SLC25A48: variants seen among roughly 807,000 people sequenced by gnomAD.
SLC25A48 encodes CTC-321K16.1.
SLC25A48 carries 29 observed loss-of-function variants against 32.2 expected under a neutral mutation model. The observed-to-expected ratio is 0.90, with a 90% confidence interval of 0.67 to 1.23. SLC25A48 has a LOEUF of 1.23. SLC25A48 is among the 50% of genes most tolerant of loss of function. SLC25A48 has a pLI of 0.00. For missense variants in SLC25A48, 399 were observed against 422.7 expected (o/e 0.94, Z 0.49); for synonymous variants, 164 against 172.3 (o/e 0.95, Z 0.38).
chr5:135,700,901 G>A (rs1400585497), intron 3 of SLC25A48, among the ~76,000 whole-genome samples: 1 of 152,222 alleles, frequency 6.6e-6, no homozygotes, highest in East Asian at 1.9e-4. Context: ...CAGATTTGGT[G>A]CAGGTTGAGG....
At chr5:135,844,177 T>A (rs1759231776) in intron 2 of SLC25A48, among the ~76,000 whole-genome samples, 1 of 152,102 alleles carries the variant, frequency 6.6e-6, no homozygotes, top group African/African-American at 2.4e-5. Flanking sequence ...CCTCTGACTC[T>A]CTCCTGTTCA....
chr5:135,610,833 A>C (rs1021589283), intron 1 of SLC25A48, among the ~76,000 whole-genome samples: 2 of 152,264 alleles, frequency 1.3e-5, no homozygotes, highest in Admixed American at 1.3e-4. Flanking sequence ...AATCTTACTC[A>C]TATAGAAAAT....
rs1051771079 is a variant in SLC25A48, at chr5:135,661,783, CT to C, written c.-521+26831del. 7.9e-5 allele frequency among the ~76,000 whole-genome samples: 12 copies of C among 152,268 alleles called. No homozygotes were observed. The South Asian group carries it at 1.7e-3, about 21-fold the overall frequency. ...TTCTCACTTCAGAATAAATCCTGGA[CT>C]TTTAAATTTTTTGACCGTATTAACC... On this transcript the variant is annotated intron_variant, in intron 3 of 10. Transcript: ENST00000646290.
intron 3 of SLC25A48, among the ~76,000 whole-genome samples, chr5:135,701,516 G>C (rs184341657): frequency 6.6e-6 from 1 of 151,830 alleles, no homozygotes; most frequent in Admixed American, 6.6e-5. Context: ...ACACTGAATT[G>C]CATATTGCAA....
chr5:135,685,361 C>G (rs1753998298), intron 3 of SLC25A48, among the ~76,000 whole-genome samples: 1 of 148,390 alleles, frequency 6.7e-6, no homozygotes, highest in Non-Finnish European at 1.5e-5. Flanking sequence ...AAATTCGACT[C>G]TTGTAATAGA....
upstream of SLC25A48, among the ~76,000 whole-genome samples, chr5:135,830,720 A>G (rs942729822): frequency 1.3e-5 from 2 of 152,234 alleles, no homozygotes; most frequent in Admixed American, 6.5e-5. Flanking sequence ...AGGCCAGTGC[A>G]GGAATGATGC....
In SLC25A48 at chr5:135,871,587, C is replaced by A; in HGVS notation, c.548C>A (p.Ala183Asp). Residue 183 changes from alanine (A) to aspartate (D), a missense_variant, in exon 5 of 8, where the codon GCC becomes GAC. By Grantham distance (126) the Ala-to-Asp change is moderately radical. Transcript: ENST00000681962. ...GCGGGGCTATACCGGGGGGCCAGTGCCATGCTGCTGAGGGATGTCCCAGGC... is the reference window on the plus strand; with the variant it reads ...GCGGGGCTATACCGGGGGGCCAGTGACATGCTGCTGAGGGATGTCCCAGGC... ...GLAGLYRGAS[A>D]MLLRDVPGYC... 1.2e-6 allele frequency: 2 copies of A among 1,614,184 alleles called. No individual in the cohort carries two copies. Among genetic ancestry groups the A allele is most frequent in the Non-Finnish European group, 1.7e-6 (2 of 1,180,014 alleles).
At chr5:135,631,119 A>T (rs914443968) in intron 2 of SLC25A48, among the ~76,000 whole-genome samples, 1 of 152,120 alleles carries the variant, frequency 6.6e-6, no homozygotes, top group African/African-American at 2.4e-5. Flanking sequence ...TTTCCTTTGG[A>T]GAAATAGACA....
At chr5:135,772,061 A>G (rs1464051644) in intron 3 of SLC25A48, among the ~76,000 whole-genome samples, 2 of 151,468 alleles carry the variant, frequency 1.3e-5, no homozygotes, top group Non-Finnish European at 3.0e-5. Flanking sequence ...ATTACTCCCA[A>G]TATCACAGAA....
At chr5:135,599,222 C>T (rs1000115875) in intron 1 of SLC25A48, among the ~76,000 whole-genome samples, 3 of 152,140 alleles carry the variant, frequency 2.0e-5, no homozygotes, top group South Asian at 4.1e-4. Flanking sequence ...GACAGTGTGG[C>T]TGCCTTCTCC....
intron 3 of SLC25A48, among the ~76,000 whole-genome samples, chr5:135,647,588 C>G (rs867412921): frequency 2.0e-4 from 30 of 152,178 alleles, no homozygotes; most frequent in African/African-American, 6.8e-4. Context: ...CCACCCTCAG[C>G]CCCCAGCCTC....
chr5:135,721,505 C>T, intron 3 of SLC25A48, among the ~76,000 whole-genome samples: 1 of 152,022 alleles, frequency 6.6e-6, no homozygotes, highest in East Asian at 1.9e-4. Context: ...ACCCGGCCTC[C>T]CACTCACATT....
At chr5:135,878,836 G>C (rs1022683310) in intron 6 of SLC25A48, among the ~76,000 whole-genome samples, 1 of 152,092 alleles carries the variant, frequency 6.6e-6, no homozygotes, top group South Asian at 2.1e-4. Flanking sequence ...TTAGGTGGTC[G>C]TTTCTTACCA....
At chr5:135,631,803 C>T (rs373162164) in intron 2 of SLC25A48, among the ~76,000 whole-genome samples, 46 of 152,300 alleles carry the variant, frequency 3.0e-4, no homozygotes, top group Middle Eastern at 3.4e-3. Context: ...TATCCCTATA[C>T]GGAGGACTGC....
intron 3 of SLC25A48, among the ~76,000 whole-genome samples, chr5:135,721,224 CAG>C (rs1357220031): frequency 1.1e-4 from 4 of 35,824 alleles, no homozygotes; most frequent in Admixed American, 3.8e-4. Context: ...TTTTTTTTGA[CAG>C]AGTCTTGCTC....
intron 7 of SLC25A48, among the ~76,000 whole-genome samples, chr5:135,884,195 C>A (rs1762642193): frequency 6.6e-6 from 1 of 152,176 alleles, no homozygotes; most frequent in Non-Finnish European, 1.5e-5. Flanking sequence ...CCAACCACCC[C>A]CTGCCTTTGA....
intron 3 of SLC25A48, among the ~76,000 whole-genome samples, chr5:135,805,140 G>A (rs1282742786): frequency 2.7e-5 from 4 of 150,816 alleles, no homozygotes; most frequent in Non-Finnish European, 5.9e-5. Flanking sequence ...ATATCACAGT[G>A]GGTGCACACC....
chr5:135,888,356 C>T lies in SLC25A48; in HGVS notation c.*332C>T, dbSNP rs116792121. 1.2e-3 allele frequency: 441 copies of T among 367,410 alleles called. 1 individual carries two copies. The highest frequency in any genetic ancestry group is 8.0e-3 in the African/African-American group (397 of 49,502). The allele number at this position is 367,410 out of a possible 1,614,324, so 22.8% of individuals were successfully genotyped here. A position where few individuals can be genotyped will look rare whatever the true frequency, so the allele number is the denominator to read the frequency against. ...AACCACCCAGAGAAACGTTGCTTCA[C>T]TCCTCTGTCTGAGGATGGGGAGGGG... On this transcript the variant is annotated 3_prime_UTR_variant, in exon 8 of 8. Coordinates refer to ENST00000681962, the MANE Select transcript of SLC25A48 (RefSeq NM_001349336.2).
chr5:135,793,492 G>A (rs183788499), intron 3 of SLC25A48, among the ~76,000 whole-genome samples: 80 of 151,540 alleles, frequency 5.3e-4, no homozygotes, highest in Admixed American at 3.0e-3. Context: ...TCCTAATATC[G>A]CAGTAGGTGT....
Sources: allele counts gnomAD v4.1 joint callset (sites outside exome capture counted in the v4.1 genomes callset), GRCh38; gene constraint gnomAD v4.1.1; transcripts MANE v1.5; gene names NCBI Gene and HGNC (gene_info 2026-07-23, HGNC 2026-07-21).